DPP10: variants seen among roughly 807,000 people sequenced by gnomAD.
DPP10 encodes the protein inactive dipeptidyl peptidase 10.
DPP10 carries 33 observed loss-of-function variants against 120.9 expected under a neutral mutation model. The observed-to-expected ratio is 0.27, with a 90% CI of 0.21 to 0.37. The LOEUF (loss-of-function observed/expected upper bound fraction) is 0.37. Ranked by LOEUF, DPP10 falls within the 10% of genes least tolerant of loss-of-function variation. The probability of loss-of-function intolerance (pLI) is 1.00; values close to 1 mark genes in which losing one functional copy is unlikely to be tolerated. For missense variants in DPP10, 816 were observed against 942.8 expected (o/e 0.87, Z 1.76); for synonymous variants, 337 against 326.1 (o/e 1.03, Z -0.36).
chr2:114,566,178 G>T (rs1689186765), intron 1 of DPP10, among the ~76,000 whole-genome samples: 1 of 152,098 alleles, frequency 6.6e-6, no homozygotes, highest in Non-Finnish European at 1.5e-5. Flanking sequence ...TAGCCTGCTT[G>T]GGAGACAATT....
At chr2:115,155,322 G>C (rs2051838378) in intron 1 of DPP10, among the ~76,000 whole-genome samples, 1 of 152,194 alleles carries the variant, frequency 6.6e-6, no homozygotes, top group Non-Finnish European at 1.5e-5. Flanking sequence ...GGAAGGTTGT[G>C]AAAGGTGTTG....
intron 1 of DPP10, among the ~76,000 whole-genome samples, chr2:114,693,406 C>T (rs1466446396): frequency 1.3e-5 from 2 of 151,838 alleles, no homozygotes; most frequent in South Asian, 2.1e-4. Flanking sequence ...AATATTGGCC[C>T]CCAATCTCTT....
At chr2:114,817,782 A>G (rs1685762332) in intron 1 of DPP10, among the ~76,000 whole-genome samples, 1 of 152,240 alleles carries the variant, frequency 6.6e-6, no homozygotes. Flanking sequence ...GTGATAAGAG[A>G]GATTGCATTT....
At chr2:115,408,378 C>T (rs530701198) in intron 3 of DPP10, among the ~76,000 whole-genome samples, 171 of 152,156 alleles carry the variant, frequency 1.1e-3, no homozygotes, top group Non-Finnish European at 1.8e-3. Context: ...GATGGGCAGC[C>T]CAGTTTTTCA....
chr2:115,262,825 C>T (rs1200816529), intron 1 of DPP10, among the ~76,000 whole-genome samples: 1 of 152,122 alleles, frequency 6.6e-6, no homozygotes, highest in African/African-American at 2.4e-5. Flanking sequence ...CCCAAGATCC[C>T]TACAAAGAAG....
intron 1 of DPP10, among the ~76,000 whole-genome samples, chr2:115,060,420 C>T (rs1349864295): frequency 3.9e-5 from 6 of 151,958 alleles, no homozygotes; most frequent in Non-Finnish European, 7.4e-5. Flanking sequence ...TGACAAAACC[C>T]TGTTTCTATA....
At chr2:115,728,065 C>T (rs2092809009) in intron 8 of DPP10, 129 bp downstream of exon 8, 2 of 1,086,244 alleles carry the variant, frequency 1.8e-6, no homozygotes, top group African/African-American at 1.6e-5. Flanking sequence ...CTCAAAATTG[C>T]CCTCATGCTT....
intron 1 of DPP10, among the ~76,000 whole-genome samples, chr2:114,493,631 G>GA (rs5833546): frequency 0.68 from 103,029 of 151,776 alleles, 35,112 homozygotes; most frequent in Middle Eastern, 0.71. Context: ...TTTCGACTTG[G>GA]AAGACTGGAG....
intron 1 of DPP10, among the ~76,000 whole-genome samples, chr2:115,189,065 A>G (rs1416959503): frequency 1.3e-5 from 2 of 152,272 alleles, no homozygotes; most frequent in Admixed American, 6.5e-5. Context: ...TTATGATGGA[A>G]TTGTTATAAA....
At chr2:115,086,890 A>G (rs1310767685) in intron 1 of DPP10, among the ~76,000 whole-genome samples, 1 of 152,178 alleles carries the variant, frequency 6.6e-6, no homozygotes, top group Non-Finnish European at 1.5e-5. Flanking sequence ...GTGGTCACTC[A>G]TATTTGTCTC....
intron 3 of DPP10, among the ~76,000 whole-genome samples, chr2:115,466,860 GTT>G (rs1482963753): frequency 6.6e-6 from 1 of 152,178 alleles, no homozygotes; most frequent in African/African-American, 2.4e-5. Flanking sequence ...TCCTGGAAGA[GTT>G]GTGATACTAA....
chr2:115,609,608 C>A (rs1319299183), intron 5 of DPP10, among the ~76,000 whole-genome samples: 3 of 151,694 alleles, frequency 2.0e-5, no homozygotes, highest in Non-Finnish European at 2.9e-5. Context: ...ACAAAAAAAA[C>A]AAAAAAACCC....
At chr2:114,763,267 T>C (rs1380561965) in intron 1 of DPP10, among the ~76,000 whole-genome samples, 2 of 152,150 alleles carry the variant, frequency 1.3e-5, no homozygotes, top group Non-Finnish European at 2.9e-5. Flanking sequence ...AGGCCTTTTG[T>C]GTCACGCTAA....
chr2:115,264,079 A>G (rs1045700354), intron 1 of DPP10, among the ~76,000 whole-genome samples: 7 of 152,224 alleles, frequency 4.6e-5, no homozygotes, highest in Non-Finnish European at 1.0e-4. Flanking sequence ...GAAGAAGGAA[A>G]TTATGTTGAA....
At chr2:115,180,051 A>G (rs2105133955) in intron 1 of DPP10, among the ~76,000 whole-genome samples, 1 of 152,318 alleles carries the variant, frequency 6.6e-6, no homozygotes, top group East Asian at 1.9e-4. Context: ...ATTGCAGGGC[A>G]TATTTGGTAG....
chr2:115,804,534 G>A (rs758311277), intron 19 of DPP10, among the ~76,000 whole-genome samples: 1 of 152,140 alleles, frequency 6.6e-6, no homozygotes, highest in Non-Finnish European at 1.5e-5. Flanking sequence ...TGGTTTTTCT[G>A]CTCTGTTTTT....
intron 1 of DPP10, among the ~76,000 whole-genome samples, chr2:114,456,254 G>T (rs532041405): frequency 6.6e-6 from 1 of 152,286 alleles, no homozygotes; most frequent in African/African-American, 2.4e-5. Context: ...TACTAAGCAG[G>T]ACATAACACC....
At chr2:115,725,007 C>A (rs1241996724) in intron 7 of DPP10, among the ~76,000 whole-genome samples, 1 of 152,236 alleles carries the variant, frequency 6.6e-6, no homozygotes, top group African/African-American at 2.4e-5. Context: ...CACCTCCCAC[C>A]AGGCCTCATC....
At chr2:115,638,173 T>C (rs1558962237) in intron 5 of DPP10, among the ~76,000 whole-genome samples, 1 of 152,222 alleles carries the variant, frequency 6.6e-6, no homozygotes, top group Non-Finnish European at 1.5e-5. Context: ...GAAAATATCA[T>C]GGGACTTTGA....
Sources: allele counts gnomAD v4.1 joint callset (sites outside exome capture counted in the v4.1 genomes callset), GRCh38; gene constraint gnomAD v4.1.1; transcripts MANE v1.5; gene names NCBI Gene and HGNC (gene_info 2026-07-23, HGNC 2026-07-21).